GLYATL3: variants seen among roughly 807,000 people sequenced by gnomAD.
The protein encoded by GLYATL3 is glycine-N-acyltransferase like 3.
Under a neutral mutation model 28.5 loss-of-function variants are expected in GLYATL3, and 31 were observed. That is an observed-to-expected ratio of 1.09 (90% CI 0.82 to 1.47). The LOEUF is 1.47. Ranked by LOEUF, GLYATL3 falls within the 40% of genes most tolerant of loss-of-function variation. The pLI, the probability that GLYATL3 is intolerant of heterozygous loss-of-function variation, is 0.00. For synonymous variants in GLYATL3, 141 were observed against 140.2 expected, an observed-to-expected ratio of 1.01 and a Z score of -0.04; for missense variants, 369 against 351.5, an observed-to-expected ratio of 1.05 and a Z score of -0.40.
In GLYATL3 at chr6:49,517,619, A is replaced by G. The variant is rs536961591; in HGVS notation, c.313+63A>G. 7.8e-4 allele frequency: 906 copies of G among 1,168,158 alleles called. 2 individuals are homozygous for G. In the African/African-American group the frequency reaches 0.013, roughly 17 times the overall value. 72.4% of individuals were successfully genotyped at this position (1,168,158 alleles called of 1,614,324 possible). A position where few individuals can be genotyped will look rare whatever the true frequency, so the allele number is the denominator to read the frequency against. ...TTTTTCCTCCTTAGCATATATCCAG[A>G]TAGTTATAGATATTTCATATATATG... On this transcript the variant is annotated intron_variant, in intron 4 of 5. Transcript: ENST00000371197.
At chr6:49,511,872 C>G (rs1769127812) in intron 1 of GLYATL3, 91 bp from the exon 2 acceptor site, 2 of 536,000 alleles carry the variant, frequency 3.7e-6, no homozygotes, top group Non-Finnish European at 6.6e-6. Flanking sequence ...CAGAATTATA[C>G]CCAATGAAAA....
At chr6:49,525,295 G>A (rs982410545) in intron 5 of GLYATL3, among the ~76,000 whole-genome samples, 6 of 151,792 alleles carry the variant, frequency 4.0e-5, no homozygotes, top group Non-Finnish European at 7.4e-5. Flanking sequence ...GGGTGCAGTG[G>A]CTCACACCTG....
At chr6:49,504,736 T>A (rs891552438) in intron 1 of GLYATL3, among the ~76,000 whole-genome samples, 12 of 152,184 alleles carry the variant, frequency 7.9e-5, no homozygotes, top group South Asian at 2.1e-4. Flanking sequence ...ATGAAAAAAA[T>A]TTTTAATAGC....
chr6:49,522,377 G>A (rs980893170), intron 5 of GLYATL3, among the ~76,000 whole-genome samples: 4 of 138,114 alleles, frequency 2.9e-5, no homozygotes, highest in African/African-American at 8.1e-5. Context: ...ACACTCATTA[G>A]TTTGTATCTG....
At chr6:49,521,612 C>T in intron 4 of GLYATL3, 33 bp from the exon 5 acceptor site, 4 of 1,513,402 alleles carry the variant, frequency 2.6e-6, no homozygotes, top group East Asian at 2.5e-5. Flanking sequence ...AACTAAAATG[C>T]CCACATATTA....
intron 1 of GLYATL3, among the ~76,000 whole-genome samples, chr6:49,501,646 G>T (rs535154473): frequency 6.6e-6 from 1 of 152,272 alleles, no homozygotes; most frequent in African/African-American, 2.4e-5. Flanking sequence ...CCTATGATTA[G>T]CAGGATATTA....
In GLYATL3 at chr6:49,526,739, C is replaced by G. The variant is rs1581875399; in HGVS notation, c.692C>G (p.Ala231Gly). 1 of 1,551,704 alleles carries G rather than the reference C, an allele frequency of 6.4e-7. No homozygotes were observed. Among genetic ancestry groups the G allele is most frequent in the Non-Finnish European group, 8.7e-7 (1 of 1,146,994 alleles). Residue 231 changes from alanine to glycine, a missense_variant, in exon 6 of 6, where the codon GCC (alanine) becomes GGC (glycine). By Grantham distance (60) the Ala-to-Gly change is moderately conservative. Transcript: ENST00000371197. ...HRRKGYSRLV[A>G]LTLARKLQSR... The stretch of plus-strand genomic sequence containing the variant: ...AGGAAAGGTTACAGCCGGCTGGTGG[C>G]CCTCACGCTGGCCAGGAAGTTGCAA...
At chr6:49,501,224 A>AC (rs1272328372) in intron 1 of GLYATL3, among the ~76,000 whole-genome samples, 4 of 151,044 alleles carry the variant, frequency 2.6e-5, no homozygotes, top group Non-Finnish European at 3.0e-5. Context: ...ACATGGTGAA[A>AC]CCCCCCATCT....
At chr6:49,517,668 C>A in intron 4 of GLYATL3, 112 bp downstream of exon 4, 2 of 726,760 alleles carry the variant, frequency 2.8e-6, no homozygotes, top group Non-Finnish European at 4.3e-6. Context: ...TATCTATACA[C>A]ACCTGTATGT....
At chr6:49,522,466 C>T (rs543017536) in intron 5 of GLYATL3, among the ~76,000 whole-genome samples, 4 of 152,124 alleles carry the variant, frequency 2.6e-5, no homozygotes, top group South Asian at 4.1e-4. Flanking sequence ...TGAATTCGTT[C>T]CTTTAAGTGT....
At chr6:49,523,093 A>G (rs993632543) in intron 5 of GLYATL3, among the ~76,000 whole-genome samples, 2 of 152,188 alleles carry the variant, frequency 1.3e-5, no homozygotes, top group Non-Finnish European at 2.9e-5. Flanking sequence ...CTCAGCAAAT[A>G]TACTCACGGC....
At position 49,517,340 on chromosome 6, in the gene GLYATL3, A is replaced by G. The variant is rs552819189; in HGVS notation, c.187-90A>G. 451 of 1,149,468 alleles carry G rather than the reference A, an allele frequency of 3.9e-4. 3 individuals are homozygous for G. The African/African-American group carries it at 6.0e-3, about 15-fold the overall frequency. The allele number at this position is 1,149,468 out of a possible 1,614,324, so 71.2% of individuals were successfully genotyped here. On this transcript the variant is annotated intron_variant, in intron 3 of 5. Transcript: ENST00000371197. ...TTAGCCACCTATAAAAATTAGCTAG[A>G]CATGTCCAGCTAACGGTATCTAATC...
rs1415442065 is a variant in GLYATL3 at position 49,526,827 on chromosome 6, G to A, written c.780G>A (p.Leu260=). ...LDDNTASISL[L]KSLHAEFLPC... ...ACAACACGGCGTCTATAAGCCTCCT[G>A]AAGAGTCTCCATGCTGAGTTCTTGC... The change falls in exon 6 of 6, where the codon CTG becomes CTA. Residue 260 remains leucine (L), a synonymous_variant. Transcript: ENST00000371197. 1.9e-6 allele frequency: 3 copies of A among 1,552,080 alleles called. No individual in the cohort carries two copies. Among genetic ancestry groups the A allele is most frequent in the Non-Finnish European group, 2.6e-6 (3 of 1,147,078 alleles).
chr6:49,516,883 C>T (rs187983615), intron 3 of GLYATL3, among the ~76,000 whole-genome samples: 71 of 151,618 alleles, frequency 4.7e-4, no homozygotes, highest in Non-Finnish European at 7.1e-4. Flanking sequence ...ATCAGCTGAG[C>T]GCGGTGGCTC....
rs540243218 is a variant in GLYATL3, at chr6:49,520,479, G to A, written c.314-1166G>A. On this transcript the variant is annotated intron_variant, in intron 4 of 5. Coordinates refer to ENST00000371197, the MANE Select transcript of GLYATL3 (RefSeq NM_001010904.2). ...TTCTGAGGCTTAACTCCCTGAGGGA[G>A]GAGCCAAGGCTCCGATACCACACTG... 1.1e-4 allele frequency among the ~76,000 whole-genome samples: 16 copies of A among 152,266 alleles called. No individual in the cohort carries two copies. In the South Asian group the frequency reaches 3.1e-3, roughly 30 times the overall value.
At position 49,526,959 on chromosome 6, in the gene GLYATL3, C is replaced by A; in HGVS notation, c.*45C>A. The stretch of plus-strand genomic sequence containing the variant: ...GGTTTTATTACTTTCCCTGAGCATA[C>A]ACACACTCTTGGCTGCCAACGAGGG... On this transcript the variant is annotated 3_prime_UTR_variant, in exon 6 of 6. Transcript: ENST00000371197. The A allele has an allele frequency of 2.2e-6, 3 of 1,368,610 alleles. No individual in the cohort carries two copies. Among genetic ancestry groups the A allele is most frequent in the South Asian group, 3.0e-5 (2 of 67,636 alleles). The allele number at this position is 1,368,610 out of a possible 1,614,324, so 84.8% of individuals were successfully genotyped here.
chr6:49,508,515 G>C (rs1769056636), intron 1 of GLYATL3, among the ~76,000 whole-genome samples: 1 of 152,204 alleles, frequency 6.6e-6, no homozygotes, highest in Non-Finnish European at 1.5e-5. Flanking sequence ...AGCTGTGCAA[G>C]ATGAGGGCAT....
intron 1 of GLYATL3, among the ~76,000 whole-genome samples, chr6:49,503,458 GA>G (rs1768949962): frequency 6.6e-6 from 1 of 151,944 alleles, no homozygotes; most frequent in Non-Finnish European, 1.5e-5. Flanking sequence ...CACTTAAAAG[GA>G]AAAAAGGAGT....
At chr6:49,516,298 A>G (rs1769214505) in intron 3 of GLYATL3, among the ~76,000 whole-genome samples, 2 of 151,010 alleles carry the variant, frequency 1.3e-5, no homozygotes. Context: ...AACTTGAAAA[A>G]CCTCTAGTCC....
Sources: gnomAD v4.1 joint callset for allele counts (sites outside exome capture counted in the v4.1 genomes callset) on GRCh38, gnomAD v4.1.1 for gene constraint, MANE v1.5 for transcripts, NCBI Gene and HGNC (gene_info 2026-07-23, HGNC 2026-07-21) for gene names.